The following GSTT2B variants were observed in gnomAD, a reference collection of about 807,000 sequenced individuals.
GSTT2B encodes glutathione S-transferase theta 2B, also known as glutathione S-transferase theta-2B.
A neutral mutation model predicts 16.6 loss-of-function variants in GSTT2B; 4 were observed. The observed-to-expected ratio is 0.24, with a 90% confidence interval of 0.12 to 0.55. The LOEUF is 0.55. GSTT2B is among the 20% of genes least tolerant of loss of function. The probability of loss-of-function intolerance (pLI) is 0.94; values close to 1 mark genes in which losing one functional copy is unlikely to be tolerated. For missense variants in GSTT2B, 27 were observed against 266.1 expected (o/e 0.10, Z 6.25); for synonymous variants, 9 against 110.9 (o/e 0.08, Z 5.77).
At position 23,960,363 on chromosome 22, in the gene GSTT2B, T is replaced by G; in HGVS notation, c.131A>C (p.Glu44Ala). 6.2e-7 allele frequency: 1 copy of G among 1,611,302 alleles called. No individual in the cohort carries two copies. Among genetic ancestry groups the G allele is most frequent in the Non-Finnish European group, 8.5e-7 (1 of 1,178,550 alleles). The change falls in exon 2 of 5, where the codon GAG (glutamate) becomes GCG (alanine). Residue 44 changes from glutamate (E) to alanine (A), a missense_variant. Physicochemically the swap from Glu to Ala is moderately radical, Grantham distance 107. Coordinates refer to ENST00000290765, the MANE Select transcript of GSTT2B (RefSeq NM_001080843.4). ...DLVKGQHKSK[E>A]FLQINSLGKL... ...CCCCAGGCTGTTGATCTGCAAGAAC[T>G]CCTTGCTCTTGTGCTGCCCTGAAGA...
chr22:23,959,928 A>T (rs1220635228), intron 2 of GSTT2B, among the ~76,000 whole-genome samples: 2 of 96,396 alleles, frequency 2.1e-5, no homozygotes, highest in Admixed American at 1.1e-4. Flanking sequence ...CAGTGGCGCG[A>T]TCTCAGCACA....
At chr22:23,959,041 G>A (rs2033807594) in intron 2 of GSTT2B, among the ~76,000 whole-genome samples, 1 of 70,096 alleles carries the variant, frequency 1.4e-5, no homozygotes, top group African/African-American at 5.1e-5. Context: ...ACTTGTCCGA[G>A]GCGGTGCAGC....
intron 1 of GSTT2B, 28 bp downstream of exon 1, chr22:23,960,992 G>A: frequency 1.9e-6 from 1 of 528,860 alleles, no homozygotes. Flanking sequence ...TGGGTTTGTG[G>A]ACACGCGGGG....
rs538601297 is a variant in GSTT2B at position 23,959,886 on chromosome 22, C to T, written c.200+408G>A. On this transcript the variant is annotated intron_variant, in intron 2 of 4. Coordinates refer to ENST00000290765, the MANE Select transcript of GSTT2B (RefSeq NM_001080843.4). ...ACCACCGCGCCCGGCCTTTTTGAGA[C>T]GGAGTCTAGCTCTGTCGCCCAGGCT... Among the ~76,000 whole-genome samples, 6 of 76,806 alleles carry T rather than the reference C, an allele frequency of 7.8e-5. 2 individuals are homozygous for T. Among genetic ancestry groups the T allele is most frequent in the Non-Finnish European group, 9.0e-5 (3 of 33,326 alleles). The allele number at this position is 76,806 out of a possible 152,430, so 50.4% of individuals were successfully genotyped here.
At chr22:23,959,800 A>G (rs567437237) in intron 2 of GSTT2B, among the ~76,000 whole-genome samples, 701 of 89,684 alleles carry the variant, frequency 7.8e-3, no homozygotes, top group Non-Finnish European at 0.014. Flanking sequence ...GATGGTCTCG[A>G]TCTCCTGACC....
chr22:23,957,803 G>T lies in GSTT2B; in HGVS notation c.655C>A (p.Gln219Lys). Residue 219 changes from glutamine to lysine, a missense_variant, in exon 5 of 5, where the codon CAG becomes AAG. Gln to Lys is a moderately conservative substitution (Grantham distance 53). Coordinates refer to ENST00000290765, the MANE Select transcript of GSTT2B (RefSeq NM_001080843.4). ...AHSIILSILE[Q>K]AAKKTLPTPS... ...GTTGGGAGGGTTTTCTTGGCCGCCTGTTCCAGGATGCTCAAGATGATGCTG... is the reference window on the plus strand; with the variant it reads ...GTTGGGAGGGTTTTCTTGGCCGCCTTTTCCAGGATGCTCAAGATGATGCTG... 1.3e-6 allele frequency: 2 copies of T among 1,585,508 alleles called. No homozygotes were observed. Among genetic ancestry groups the T allele is most frequent in the Non-Finnish European group, 8.7e-7 (1 of 1,154,640 alleles).
At position 23,959,507 on chromosome 22, in the gene GSTT2B, T is replaced by A. The variant is rs381250; in HGVS notation, c.200+787A>T. On this transcript the variant is annotated intron_variant, in intron 2 of 4. Coordinates refer to ENST00000290765, the MANE Select transcript of GSTT2B (RefSeq NM_001080843.4). The stretch of plus-strand genomic sequence containing the variant: ...TTCTGTCAGCCCCTGCTCATCCCGG[T>A]CACACCCCAAGCTGTACCTTCTCCC... Among the ~76,000 whole-genome samples, 232 of 100,694 alleles carry A rather than the reference T, an allele frequency of 2.3e-3. 13 individuals carry two copies. The highest frequency in any genetic ancestry group is 6.2e-3 in the African/African-American group (199 of 31,886). 66.1% of individuals were successfully genotyped at this position (100,694 alleles called of 152,430 possible).
intron 2 of GSTT2B, among the ~76,000 whole-genome samples, chr22:23,959,493 C>G (rs2146203869): frequency 9.8e-6 from 1 of 102,454 alleles, no homozygotes; most frequent in Admixed American, 1.0e-4. Context: ...TCTGTCAGCC[C>G]CTGCTCATCC....
intron 2 of GSTT2B, among the ~76,000 whole-genome samples, 159 bp downstream of exon 2, chr22:23,960,135 G>A (rs2033822577): frequency 6.7e-6 from 1 of 150,076 alleles, no homozygotes; most frequent in South Asian, 2.1e-4. Flanking sequence ...GAAGTGCCGG[G>A]ATGACAGGCG....
Position 23,957,860 on chromosome 22 carries a change from A to C in GSTT2B, c.598T>G (p.Phe200Val). Residue 200 changes from phenylalanine to valine, a missense_variant, in exon 5 of 5, where the codon TTC (phenylalanine) becomes GTC (valine). Coordinates refer to ENST00000290765, the MANE Select transcript of GSTT2B (RefSeq NM_001080843.4). ...TCCTGGCATAGCTCAGCACCCAGGA[A>C]AGCCTCCACTCGTCCACGCCATGCT... is the stretch of plus-strand genomic sequence containing the variant. ...LAAWRGRVEA[F>V]LGAELCQEAH... The C allele has an allele frequency of 1.9e-6, 3 of 1,613,864 alleles. No individual in the cohort carries two copies. The highest frequency in any genetic ancestry group is 2.5e-6 in the Non-Finnish European group (3 of 1,179,828).
At chr22:23,960,158 C>T in intron 2 of GSTT2B, 136 bp downstream of exon 2, 2 of 971,998 alleles carry the variant, frequency 2.1e-6, no homozygotes, top group South Asian at 3.1e-5. Flanking sequence ...AGCCACCGCG[C>T]CCGGCCAGAT....
intron 3 of GSTT2B, 33 bp downstream of exon 3, chr22:23,958,518 A>C (rs2146203180): frequency 8.1e-7 from 1 of 1,237,290 alleles, no homozygotes; most frequent in Admixed American, 2.1e-5. Flanking sequence ...CTACTCCCTG[A>C]TGGCCAATCA....
rs364069 is a variant in GSTT2B, at chr22:23,960,299, G to T, written c.195C>A (p.Thr65=). The T allele has an allele frequency of 1.9e-6, 3 of 1,612,764 alleles. No homozygotes were observed. In the African/African-American group the frequency reaches 4.0e-5, roughly 22 times the overall value. Residue 65 remains threonine (T), a synonymous_variant, in exon 2 of 5, where the codon ACC becomes ACA. Coordinates refer to ENST00000290765, the MANE Select transcript of GSTT2B (RefSeq NM_001080843.4). ...GGGTGAGGGAAGGAGGGCACCTTTC[G>T]GTCAAGATGAAATCACCATCCTTGA... ...PTLKDGDFIL[T]ESSAILIYLS... is the part of the protein sequence containing the mutation.
rs1488756005 is a variant in GSTT2B at position 23,960,174 on chromosome 22, G to T, written c.200+120C>A. 16 of 1,212,428 alleles carry T rather than the reference G, an allele frequency of 1.3e-5. No individual in the cohort carries two copies. The East Asian group carries it at 3.1e-4, about 24-fold the overall frequency. 75.1% of individuals were successfully genotyped at this position (1,212,428 alleles called of 1,614,324 possible). On this transcript the variant is annotated intron_variant, in intron 2 of 4. Coordinates refer to ENST00000290765, the MANE Select transcript of GSTT2B (RefSeq NM_001080843.4). The stretch of plus-strand genomic sequence containing the variant: ...GCCACCGCGCCCGGCCAGATCCCTC[G>T]CCTTTCCCCTCCCTCGCTGCCCCAT...
chr22:23,959,940 T>A (rs2033817660), intron 2 of GSTT2B, among the ~76,000 whole-genome samples: 1 of 102,554 alleles, frequency 9.8e-6, no homozygotes, highest in Non-Finnish European at 2.3e-5. Context: ...CTCAGCACAC[T>A]GCAAGCTCCG....
At chr22:23,960,421 A>C (rs1202840928) in intron 1 of GSTT2B, 40 bp from the exon 2 acceptor site, 2 of 1,560,632 alleles carry the variant, frequency 1.3e-6, no homozygotes, top group Non-Finnish European at 8.8e-7. Flanking sequence ...CAGAATAAAA[A>C]CGCTGCACCT....
rs1601555413 is a variant in GSTT2B, at chr22:23,960,393, G to A, written c.113-12C>T. The stretch of plus-strand genomic sequence containing the variant: ...GCTCTTGTGCTGCCCTGAAGAGGAA[G>A]AAGTCAGAAAAGGTCTTCAGAATAA... On this transcript the variant is annotated splice_polypyrimidine_tract_variant and intron_variant, in intron 1 of 4. Coordinates refer to ENST00000290765, the MANE Select transcript of GSTT2B (RefSeq NM_001080843.4). 1.9e-6 allele frequency: 3 copies of A among 1,608,818 alleles called. No individual in the cohort carries two copies. The highest frequency in any genetic ancestry group is 2.2e-5 in the South Asian group (2 of 90,744).
intron 1 of GSTT2B, among the ~76,000 whole-genome samples, chr22:23,960,720 T>C (rs1206915444): frequency 4.4e-5 from 5 of 112,510 alleles, no homozygotes; most frequent in Non-Finnish European, 1.0e-4. Context: ...CAAGGTCTTC[T>C]GGGCTTTGTG....
chr22:23,960,728 G>C, intron 1 of GSTT2B, among the ~76,000 whole-genome samples: 1 of 116,626 alleles, frequency 8.6e-6, no homozygotes, highest in Non-Finnish European at 1.9e-5. Context: ...TCTGGGCTTT[G>C]TGAATTTATA....
Sources: gnomAD v4.1 joint callset for allele counts (sites outside exome capture counted in the v4.1 genomes callset) on GRCh38, gnomAD v4.1.1 for gene constraint, MANE v1.5 for transcripts, NCBI Gene and HGNC (gene_info 2026-07-23, HGNC 2026-07-21) for gene names.